Variants in FHDC1 observed in about 807,000 individuals in gnomAD.
FHDC1 encodes the protein FH2 domain-containing protein 1.
In FHDC1, 25 loss-of-function variants were observed where a neutral mutation model predicts 52.6. The observed-to-expected ratio is 0.48, with a 90% CI of 0.35 to 0.66. The LOEUF is 0.66. FHDC1 is among the 30% of genes least tolerant of loss of function. The pLI is 0.01. For synonymous variants in FHDC1, 616 were observed against 581.5 expected (o/e 1.06, Z -0.85); for missense variants, 1,459 against 1,452.8 (o/e 1.00, Z -0.07).
chr4:152,921,109 CTAAAAATACCTGTTATATTTAT>C, the FHDC1 span, among the ~76,000 whole-genome samples: 1 of 151,914 alleles, frequency 6.6e-6, no homozygotes, highest in Non-Finnish European at 1.5e-5. Context: ...ACCTTTCTTG[CTAAAAATACCTGTTATATTTAT>C]AACTTCCTTT....
rs768529247 is a variant in FHDC1 at position 152,978,671 on chromosome 4, A to C, written c.*1948A>C. The C allele has an allele frequency of 1.3e-5, 2 of 151,974 alleles. No individual in the cohort carries two copies. Among genetic ancestry groups the C allele is most frequent in the Non-Finnish European group, 2.9e-5 (2 of 67,980 alleles). The allele number at this position is 151,974 out of a possible 1,614,324, so 9.4% of individuals were successfully genotyped here. On this transcript the variant is annotated 3_prime_UTR_variant, in exon 12 of 12. Transcript: ENST00000511601. ...ACTTTTTTGTGTTTTTTTTAATTTT[A>C]GGTCACTTATTAGTGAAACCTCATT...
intron 4 of FHDC1, 48 bp from the exon 5 acceptor site, chr4:152,960,517 G>A (rs1285863704): frequency 6.4e-6 from 9 of 1,410,260 alleles, no homozygotes; most frequent in Admixed American, 1.7e-5. Context: ...ATCTTAAATT[G>A]TATTCGTAAG....
At chr4:152,914,678 T>C in the FHDC1 span, among the ~76,000 whole-genome samples, 14 of 152,204 alleles carry the variant, frequency 9.2e-5, no homozygotes, top group Non-Finnish European at 5.9e-5. Flanking sequence ...CAGGATACCA[T>C]TTTGTCGATT....
chr4:152,935,164 G>C (rs1739326814), upstream of FHDC1, among the ~76,000 whole-genome samples: 1 of 152,058 alleles, frequency 6.6e-6, no homozygotes, highest in Non-Finnish European at 1.5e-5. Flanking sequence ...GGGTTGATTG[G>C]TTTGTTTACA....
intron 4 of FHDC1, among the ~76,000 whole-genome samples, chr4:152,960,333 A>G (rs561809969): frequency 3.9e-5 from 6 of 152,310 alleles, no homozygotes; most frequent in East Asian, 1.9e-4. Context: ...CTGTGTATCT[A>G]TAGCTACATA....
chr4:152,975,263 G>A lies in FHDC1; in HGVS notation c.1972G>A (p.Ala658Thr). ...RYSEPVSLGSAQSPPLSPLAL... is the reference protein window; with the variant it reads ...RYSEPVSLGSTQSPPLSPLAL... ...CAGTGAGCCGGTGAGCCTGGGCTCA[G>A]CACAGTCCCCTCCTCTCTCGCCATT... The change falls in exon 12 of 12, where the codon GCA becomes ACA. Residue 658 changes from alanine to threonine, a missense_variant. This residue lies in a region of FHDC1 where 939 missense variants were observed against 854.5 expected (regional missense o/e 1.10). Coordinates refer to ENST00000511601, the MANE Select transcript of FHDC1 (RefSeq NM_001371116.1). 6.2e-7 allele frequency: 1 copy of A among 1,613,508 alleles called. No individual in the cohort carries two copies. The highest frequency in any genetic ancestry group is 1.7e-5 in the Admixed American group (1 of 60,030).
At position 152,943,439 on chromosome 4, in the gene FHDC1, C is replaced by G; in HGVS notation, c.382C>G (p.Gln128Glu). ...GGCAGCCAGGCAGGAACATCACTAC[C>G]AAATTGATACAAAGACCATTGAGGA... ...TLAARQEHHY[Q>E]IDTKTIEELF... Residue 128 changes from glutamine (Q) to glutamate (E), a missense_variant, in exon 2 of 12, where the codon CAA (glutamine) becomes GAA (glutamate). Physicochemically the swap from Gln to Glu is conservative, Grantham distance 29. Around this residue, in one of 3 missense-constraint regions of FHDC1, gnomAD observed 513 missense variants for 581.5 expected, o/e 0.88. Transcript: ENST00000511601. 6.2e-7 allele frequency: 1 copy of G among 1,614,104 alleles called. No homozygotes were observed.
intron 2 of FHDC1, among the ~76,000 whole-genome samples, chr4:152,951,690 A>C (rs1204542942): frequency 1.3e-5 from 2 of 152,168 alleles, no homozygotes; most frequent in African/African-American, 4.8e-5. Context: ...TTCACAGTGA[A>C]TCACATACAT....
intron 4 of FHDC1, among the ~76,000 whole-genome samples, chr4:152,959,075 T>G (rs557621618): frequency 1.3e-5 from 2 of 152,248 alleles, no homozygotes; most frequent in Non-Finnish European, 2.9e-5. Context: ...GCAAGGAACT[T>G]AAAATCACGT....
the FHDC1 span, chr4:152,928,065 T>C: frequency 7.2e-7 from 1 of 1,391,882 alleles, no homozygotes; most frequent in Non-Finnish European, 1.0e-6. Context: ...TCTGCTGCAG[T>C]CTGTATCAGC....
intron 2 of FHDC1, among the ~76,000 whole-genome samples, chr4:152,949,971 C>T (rs973084241): frequency 2.6e-5 from 4 of 152,210 alleles, no homozygotes; most frequent in African/African-American, 7.2e-5. Flanking sequence ...GCGGTCCTGC[C>T]TGCATGTCCT....
the FHDC1 span, among the ~76,000 whole-genome samples, chr4:152,915,492 TATTC>T: frequency 6.6e-6 from 1 of 152,188 alleles, no homozygotes; most frequent in South Asian, 2.1e-4. Context: ...TGCAGAAAAA[TATTC>T]AGTGCTTGCA....
the FHDC1 span, among the ~76,000 whole-genome samples, chr4:152,918,217 C>T: frequency 6.6e-6 from 1 of 152,184 alleles, no homozygotes; most frequent in Non-Finnish European, 1.5e-5. Flanking sequence ...TCAGTCCAAG[C>T]CACTCCAGAC....
rs1419451970 is a variant in FHDC1 at position 152,968,081 on chromosome 4, T to C, written c.1202T>C (p.Met401Thr). The change falls in exon 10 of 12, where the codon ATG becomes ACG. Residue 401 changes from methionine to threonine, a missense_variant. By Grantham distance (81) the Met-to-Thr change is moderately conservative. Coordinates refer to ENST00000511601, the MANE Select transcript of FHDC1 (RefSeq NM_001371116.1). ...CGGGATGGTGAACTTTGTCAGCAGA[T>C]GGAAGATTTTCTTCAGGTTTGTAGG... Reference protein sequence around the residue: ...IQRDGELCQQMEDFLQFAIEK... With the variant: ...IQRDGELCQQTEDFLQFAIEK... 1.2e-6 allele frequency: 2 copies of C among 1,613,460 alleles called. No individual in the cohort carries two copies. Among genetic ancestry groups the C allele is most frequent in the South Asian group, 2.2e-5 (2 of 90,986 alleles).
chr4:152,974,196 G>T (rs189595753), intron 11 of FHDC1, among the ~76,000 whole-genome samples: 88 of 152,336 alleles, frequency 5.8e-4, no homozygotes, highest in Admixed American at 1.9e-3. Context: ...ACAATTTGAG[G>T]CTCGCTCTTT....
intron 6 of FHDC1, among the ~76,000 whole-genome samples, chr4:152,962,148 G>A (rs988088284): frequency 2.6e-5 from 4 of 151,772 alleles, no homozygotes; most frequent in African/African-American, 7.3e-5. Context: ...TTGTTTCTTT[G>A]CATGGGTGTA....
At chr4:152,918,693 C>T in the FHDC1 span, among the ~76,000 whole-genome samples, 11 of 152,230 alleles carry the variant, frequency 7.2e-5, no homozygotes, top group African/African-American at 1.7e-4. Flanking sequence ...CACTGAGCCA[C>T]GTTGCTCTGG....
At chr4:152,912,495 C>G in the FHDC1 span, 2 of 152,044 alleles carry the variant, frequency 1.3e-5, no homozygotes, top group Non-Finnish European at 2.9e-5. Flanking sequence ...GAAAATGGGC[C>G]CTCAAAAGTA....
At chr4:152,927,709 C>T in the FHDC1 span, 1 of 1,517,018 alleles carries the variant, frequency 6.6e-7, no homozygotes, top group South Asian at 1.1e-5. Context: ...ATGAGACCAA[C>T]TTCCTTGATG....
Sources: gnomAD v4.1 joint callset for allele counts (sites outside exome capture counted in the v4.1 genomes callset) on GRCh38, gnomAD v4.1.1 for gene constraint, gnomAD v4.1.1 regional missense constraint, MANE v1.5 for transcripts, NCBI Gene and HGNC (gene_info 2026-07-23, HGNC 2026-07-21) for gene names.